PGLYRP2: variants seen among roughly 807,000 people sequenced by gnomAD.
The protein encoded by PGLYRP2 is peptidoglycan recognition protein 2.
PGLYRP2 carries 38 observed loss-of-function variants against 46.2 expected under a neutral mutation model. The observed-to-expected ratio is 0.82, with a 90% CI of 0.64 to 1.08. PGLYRP2 has a LOEUF of 1.08. Among genes scored for constraint, PGLYRP2 ranks in the 50% least tolerant of loss-of-function variants. The probability of loss-of-function intolerance (pLI) is 0.00; values close to 1 mark genes in which losing one functional copy is unlikely to be tolerated. For synonymous variants in PGLYRP2, 289 were observed against 329.4 expected, an observed-to-expected ratio of 0.88 and a Z score of 1.33; for missense variants, 713 against 755.9, an observed-to-expected ratio of 0.94 and a Z score of 0.67.
At chr19:15,470,940 G>A (rs976495485) in intron 3 of PGLYRP2, among the ~76,000 whole-genome samples, 2 of 151,816 alleles carry the variant, frequency 1.3e-5, no homozygotes, top group African/African-American at 4.8e-5. Flanking sequence ...CACCGCTCCC[G>A]GCCTCCTTCT....
At chr19:15,479,286 C>T in intron 1 of PGLYRP2, 25 bp downstream of exon 1, 1 of 1,613,760 alleles carries the variant, frequency 6.2e-7, no homozygotes, top group Non-Finnish European at 8.5e-7. Flanking sequence ...GAGGTTTGGT[C>T]CCAGGACTCT....
intron 1 of PGLYRP2, among the ~76,000 whole-genome samples, 173 bp from the exon 2 acceptor site, chr19:15,476,781 G>A (rs1357741315): frequency 1.3e-5 from 2 of 152,200 alleles, no homozygotes; most frequent in Non-Finnish European, 2.9e-5. Context: ...TGTTGGTTAA[G>A]GAGCTCAGAC....
chr19:15,471,451 G>A (rs1371407474), intron 3 of PGLYRP2, among the ~76,000 whole-genome samples: 1 of 151,294 alleles, frequency 6.6e-6, no homozygotes, highest in Admixed American at 6.6e-5. Flanking sequence ...TGGGTGGTGT[G>A]GGGGGGTGTC....
Position 15,469,788 on chromosome 19 carries a change from A to T in PGLYRP2, c.1485T>A (p.Ala495=), listed in dbSNP as rs779222668. The part of the protein sequence containing the change: ...NYTAALPTEA[A]LRTVRDTLPS... ...GGAGCGTGTCGCGCACCGTGCGCAG[A>T]GCGGCCTCGGTGGGCAGCGCCGCGG... The change falls in exon 4 of 5, where the codon GCT becomes GCA. Residue 495 remains alanine, a synonymous_variant. Coordinates refer to ENST00000340880, the MANE Select transcript of PGLYRP2 (RefSeq NM_052890.4). The surrounding 1 kb of genome is among the most constrained non-coding windows in gnomAD (Gnocchi z 4.9). 19 of 1,512,466 alleles carry T rather than the reference A, an allele frequency of 1.3e-5. No individual in the cohort carries two copies. The Admixed American group carries it at 4.1e-4, about 32-fold the overall frequency. The allele number at this position is 1,512,466 out of a possible 1,614,324, so 93.7% of individuals were successfully genotyped here.
chr19:15,470,236 TTTTC>T (rs1568340180), intron 3 of PGLYRP2, among the ~76,000 whole-genome samples: 1 of 119,346 alleles, frequency 8.4e-6, no homozygotes, highest in Non-Finnish European at 1.8e-5. Flanking sequence ...TTTGGGTTTT[TTTTC>T]TTTCCTTCCT....
At chr19:15,471,836 A>T in intron 3 of PGLYRP2, 54 bp downstream of exon 3, 4 of 1,578,402 alleles carry the variant, frequency 2.5e-6, no homozygotes, top group Non-Finnish European at 3.5e-6. Context: ...CCGCCCACTC[A>T]GACCCCATCC....
At chr19:15,471,846 C>T (rs372704700) in intron 3 of PGLYRP2, 44 bp downstream of exon 3, 1 of 1,592,330 alleles carries the variant, frequency 6.3e-7, no homozygotes, top group Non-Finnish European at 8.6e-7. Flanking sequence ...AGACCCCATC[C>T]CCGAACGTGG....
At chr19:15,476,709 C>A (rs1375532845) in intron 1 of PGLYRP2, 101 bp from the exon 2 acceptor site, 6 of 937,580 alleles carry the variant, frequency 6.4e-6, no homozygotes, top group Non-Finnish European at 9.3e-6. Flanking sequence ...CATCTGATAA[C>A]CCCATGACCC....
Position 15,476,297 on chromosome 19 carries a change from G to C in PGLYRP2, c.373C>G (p.Leu125Val). The change falls in exon 2 of 5, where the codon CTG (leucine) becomes GTG (valine). Residue 125 changes from leucine to valine, a missense_variant. Physicochemically the swap from Leu to Val is conservative, Grantham distance 32. Coordinates refer to ENST00000340880, the MANE Select transcript of PGLYRP2 (RefSeq NM_052890.4). ...DGSTVAVEPL[L>V]AGLEAGLQGR... ...TGCAGCCCTGCCTCCAGCCCCGCCA[G>C]CAGAGGCTCCACAGCCACGGTCGAG... The C allele has an allele frequency of 1.9e-6, 3 of 1,614,136 alleles. No individual in the cohort carries two copies. The highest frequency in any genetic ancestry group is 2.5e-6 in the Non-Finnish European group (3 of 1,180,016).
intron 4 of PGLYRP2, chr19:15,469,000 G>A: frequency 1.9e-6 from 1 of 513,272 alleles, no homozygotes. Context: ...GGCGATCAAG[G>A]GCTGGGATGA....
chr19:15,469,854 G>A lies in PGLYRP2; in HGVS notation c.1419C>T (p.His473=). Reference sequence around the variant, plus strand: ...TGGCCACGCCGAAGCCCCGGGAGTTGTGGCCGAGCGTGTGGGCGCCCACCC... The same window carrying A: ...TGGCCACGCCGAAGCCCCGGGAGTTATGGCCGAGCGTGTGGGCGCCCACCC... ...WHWVGAHTLG[H]NSRGFGVAIV... is the part of the protein sequence containing the mutation. The change falls in exon 4 of 5, where the codon CAC becomes CAT. Residue 473 remains histidine (H), a synonymous_variant. Transcript: ENST00000340880. The surrounding 1 kb of genome is among the most constrained non-coding windows in gnomAD (Gnocchi z 4.9). The A allele has an allele frequency of 6.6e-7, 1 of 1,512,448 alleles. No individual in the cohort carries two copies. Among genetic ancestry groups the A allele is most frequent in the Non-Finnish European group, 8.8e-7 (1 of 1,141,400 alleles). The allele number at this position is 1,512,448 out of a possible 1,614,324, so 93.7% of individuals were successfully genotyped here. A position where few individuals can be genotyped will look rare whatever the true frequency, so the allele number is the denominator to read the frequency against.
chr19:15,476,110 G>A lies in PGLYRP2; in HGVS notation c.560C>T (p.Ala187Val), dbSNP rs764251236. 1 of 1,614,186 alleles carries A rather than the reference G, an allele frequency of 6.2e-7. No homozygotes were observed. Among genetic ancestry groups the A allele is most frequent in the Admixed American group, 1.7e-5 (1 of 60,004 alleles). The change falls in exon 2 of 5, where the codon GCC (alanine) becomes GTC (valine). Residue 187 changes from alanine to valine, a missense_variant. Coordinates refer to ENST00000340880, the MANE Select transcript of PGLYRP2 (RefSeq NM_052890.4). ...GCCTTTTGTAGCATCTGGAGTGTTG[G>A]CTCCAATATCTGCAGTGGTGACATC... is the stretch of plus-strand genomic sequence containing the variant. ...SPDVTTADIG[A>V]NTPDATKGCP...
intron 1 of PGLYRP2, among the ~76,000 whole-genome samples, chr19:15,478,209 C>T (rs886905445): frequency 3.9e-5 from 6 of 151,922 alleles, no homozygotes; most frequent in Non-Finnish European, 5.9e-5. Context: ...TAGCCGGGTG[C>T]GGTGGCGGGC....
In PGLYRP2 at chr19:15,469,994, C is replaced by T. The variant is rs573888115; in HGVS notation, c.1344-65G>A. 345 of 1,333,128 alleles carry T rather than the reference C, an allele frequency of 2.6e-4. 1 individual carries two copies. In the Admixed American group the frequency reaches 0.011, roughly 44 times the overall value. The allele number at this position is 1,333,128 out of a possible 1,614,324, so 82.6% of individuals were successfully genotyped here. On this transcript the variant is annotated intron_variant, in intron 3 of 4. Coordinates refer to ENST00000340880, the MANE Select transcript of PGLYRP2 (RefSeq NM_052890.4). The surrounding 1 kb of genome is among the most constrained non-coding windows in gnomAD (Gnocchi z 4.9). ...GGGGGACCCGGGCCCTTATCCGCTC[C>T]CCTCCCCGATTCTGTTGGTGTGCCA...
Position 15,475,949 on chromosome 19 carries a change from G to T in PGLYRP2, c.721C>A (p.Pro241Thr). The T allele has an allele frequency of 6.2e-7, 1 of 1,614,168 alleles. No individual in the cohort carries two copies. Among genetic ancestry groups the T allele is most frequent in the Non-Finnish European group, 8.5e-7 (1 of 1,180,032 alleles). Reference sequence around the variant, plus strand: ...CAGCAGCCCTCAGTTCCCAGGTCTGGATGGCTCTGGGTCTGGGAACCTCGG... The same window carrying T: ...CAGCAGCCCTCAGTTCCCAGGTCTGTATGGCTCTGGGTCTGGGAACCTCGG... Reference protein sequence around the residue: ...FLRGSQTQSHPDLGTEGCWDQ... With the variant: ...FLRGSQTQSHTDLGTEGCWDQ... Residue 241 changes from proline (P) to threonine (T), a missense_variant, in exon 2 of 5, where the codon CCA (proline) becomes ACA (threonine). By Grantham distance (38) the Pro-to-Thr change is conservative. Coordinates refer to ENST00000340880, the MANE Select transcript of PGLYRP2 (RefSeq NM_052890.4).
chr19:15,472,017 A>G lies in PGLYRP2; in HGVS notation c.1216T>C (p.Phe406Leu), dbSNP rs201510752. 5.5e-5 allele frequency: 88 copies of G among 1,613,358 alleles called. No individual in the cohort carries two copies. In the Admixed American group the frequency reaches 1.2e-3, roughly 22 times the overall value. The change falls in exon 3 of 5, where the codon TTC becomes CTC. Residue 406 changes from phenylalanine to leucine, a missense_variant. Coordinates refer to ENST00000340880, the MANE Select transcript of PGLYRP2 (RefSeq NM_052890.4). ...RPKLLQLPLG[F>L]LYVHHTYVPA... ...ACGTAGGTGTGATGCACGTACAAGAATCCCAGCGGCAGCTGCAGCAGCTTC... is the reference window on the plus strand; with the variant it reads ...ACGTAGGTGTGATGCACGTACAAGAGTCCCAGCGGCAGCTGCAGCAGCTTC...
At chr19:15,474,916 G>A (rs967472020) in intron 2 of PGLYRP2, among the ~76,000 whole-genome samples, 1 of 151,716 alleles carries the variant, frequency 6.6e-6, no homozygotes, top group Admixed American at 6.6e-5. Context: ...GAACCCAGGA[G>A]GCGGAGGTTG....
At position 15,475,645 on chromosome 19, in the gene PGLYRP2, A is replaced by C. The variant is rs1184724443; in HGVS notation, c.1025T>G (p.Leu342Arg). The C allele has an allele frequency of 6.2e-7, 1 of 1,614,050 alleles. No individual in the cohort carries two copies. The highest frequency in any genetic ancestry group is 1.3e-5 in the African/African-American group (1 of 74,924). Residue 342 changes from leucine to arginine, a missense_variant, in exon 2 of 5, where the codon CTT becomes CGT. Leu to Arg is a moderately radical substitution (Grantham distance 102, BLOSUM62 -2). Coordinates refer to ENST00000340880, the MANE Select transcript of PGLYRP2 (RefSeq NM_052890.4). ...GTGTACTGGCTCCAGCCTCTGTAGAAGGACAAGGGTTCCCCACACCTGCTG... is the reference window on the plus strand; with the variant it reads ...GTGTACTGGCTCCAGCCTCTGTAGACGGACAAGGGTTCCCCACACCTGCTG... ...LAQQVWGTLV[L>R]LQRLEPVHLQ...
chr19:15,469,768 G>C lies in PGLYRP2; in HGVS notation c.1505C>G (p.Thr502Arg). The change falls in exon 4 of 5, where the codon ACG (threonine) becomes AGG (arginine). Residue 502 changes from threonine to arginine, a missense_variant. Thr to Arg is a moderately conservative substitution (Grantham distance 71). Coordinates refer to ENST00000340880, the MANE Select transcript of PGLYRP2 (RefSeq NM_052890.4). This position sits in a 1 kb window ranked among gnomAD's most constrained non-coding sequence, Gnocchi z 4.9. The part of the protein sequence containing the change: ...TEAALRTVRD[T>R]LPSCAVRAGL... ...GGCGCGCACCGCACAACTCGGGAGC[G>C]TGTCGCGCACCGTGCGCAGAGCGGC... 6.6e-7 allele frequency: 1 copy of C among 1,508,052 alleles called. No individual in the cohort carries two copies. Among genetic ancestry groups the C allele is most frequent in the Non-Finnish European group, 8.8e-7 (1 of 1,136,566 alleles). The allele number at this position is 1,508,052 out of a possible 1,614,324, so 93.4% of individuals were successfully genotyped here.
Sources: allele counts gnomAD v4.1 joint callset (sites outside exome capture counted in the v4.1 genomes callset), GRCh38; gene constraint gnomAD v4.1.1; non-coding constraint Gnocchi (gnomAD v3.1); transcripts MANE v1.5; gene names NCBI Gene and HGNC (gene_info 2026-07-23, HGNC 2026-07-21).